The following ADGRL3 variants were observed in gnomAD, a reference collection of about 807,000 sequenced individuals.
The protein encoded by ADGRL3 is adhesion G protein-coupled receptor L3.
Under a neutral mutation model 153.5 loss-of-function variants are expected in ADGRL3, and 62 were observed. That is an observed-to-expected ratio of 0.40 (90% CI 0.33 to 0.50). The LOEUF (loss-of-function observed/expected upper bound fraction) is 0.50. Among genes scored for constraint, ADGRL3 ranks in the 20% least tolerant of loss-of-function variants. The pLI, the probability that ADGRL3 is intolerant of heterozygous loss-of-function variation, is 0.47. For synonymous variants in ADGRL3, 710 were observed against 672.5 expected, an observed-to-expected ratio of 1.06 and a Z score of -0.86; for missense variants, 1,641 against 1,859.4, an observed-to-expected ratio of 0.88 and a Z score of 2.16.
chr4:61,632,746 A>C (rs1045741353), intron 5 of ADGRL3, among the ~76,000 whole-genome samples: 2 of 152,206 alleles, frequency 1.3e-5, no homozygotes, highest in African/African-American at 4.8e-5. Context: ...GTATAAATAC[A>C]TATTACCAGT....
At chr4:61,884,503 G>C (rs1454964719) in intron 9 of ADGRL3, among the ~76,000 whole-genome samples, 1 of 152,068 alleles carries the variant, frequency 6.6e-6, no homozygotes, top group East Asian at 1.9e-4. Flanking sequence ...TTTTTCCTTA[G>C]GTGGTCCTGA....
intron 6 of ADGRL3, among the ~76,000 whole-genome samples, chr4:61,713,731 T>C (rs1032446844): frequency 1.3e-5 from 2 of 152,184 alleles, no homozygotes; most frequent in African/African-American, 4.8e-5. Context: ...CAATGGTTTT[T>C]ATGTAGAAAG....
chr4:61,921,138 TA>T (rs956172937), intron 13 of ADGRL3, among the ~76,000 whole-genome samples: 2 of 151,900 alleles, frequency 1.3e-5, no homozygotes, highest in African/African-American at 4.8e-5. Flanking sequence ...TCATTTTGTC[TA>T]AAAAAAACTT....
chr4:61,930,098 C>T lies in ADGRL3; in HGVS notation c.2113-4742C>T, dbSNP rs143632364. Among the ~76,000 whole-genome samples, 995 of 151,516 alleles carry T rather than the reference C, an allele frequency of 6.6e-3. 16 individuals are homozygous for T. Among genetic ancestry groups the T allele is most frequent in the African/African-American group, 0.023 (929 of 41,232 alleles). ...GGTTGAGGCAGGAGAATGGCATGAA[C>T]CTGGGAGGTGGAGCTTGCAGTGAGC... On this transcript the variant is annotated intron_variant, in intron 13 of 26. Coordinates refer to ENST00000683033, the MANE Select transcript of ADGRL3 (RefSeq NM_001387552.1).
intron 20 of ADGRL3, among the ~76,000 whole-genome samples, 179 bp downstream of exon 20, chr4:61,996,536 T>A (rs1440990451): frequency 6.6e-6 from 1 of 152,186 alleles, no homozygotes; most frequent in African/African-American, 2.4e-5. Flanking sequence ...GTAAAATGGT[T>A]AATCAAAACA....
chr4:61,524,854 A>G (rs2152931370), intron 4 of ADGRL3, among the ~76,000 whole-genome samples: 1 of 152,234 alleles, frequency 6.6e-6, no homozygotes, highest in East Asian at 1.9e-4. Context: ...ATATAGCTGT[A>G]TGGATTGGGG....
At chr4:61,379,080 A>G (rs1327961991) in intron 1 of ADGRL3, among the ~76,000 whole-genome samples, 1 of 152,024 alleles carries the variant, frequency 6.6e-6, no homozygotes, top group Non-Finnish European at 1.5e-5. Flanking sequence ...AGATGAAAAA[A>G]CAATCTGAAC....
At chr4:62,054,739 G>C (rs1736089685) in intron 25 of ADGRL3, among the ~76,000 whole-genome samples, 2 of 151,684 alleles carry the variant, frequency 1.3e-5, no homozygotes, top group South Asian at 2.1e-4. Flanking sequence ...CAAAATGCTA[G>C]TGCCCATGTT....
intron 2 of ADGRL3, among the ~76,000 whole-genome samples, chr4:61,392,114 C>A (rs1258426872): frequency 6.6e-6 from 1 of 151,126 alleles, no homozygotes; most frequent in Non-Finnish European, 1.5e-5. Context: ...CATGATCCAC[C>A]CGCCTGGGCC....
intron 9 of ADGRL3, among the ~76,000 whole-genome samples, chr4:61,836,458 G>C (rs1320533551): frequency 1.3e-5 from 2 of 152,006 alleles, no homozygotes; most frequent in Non-Finnish European, 2.9e-5. Context: ...GTGATTTAGA[G>C]TAGATAATGT....
intron 13 of ADGRL3, among the ~76,000 whole-genome samples, chr4:61,915,010 C>T (rs1056557796): frequency 6.6e-6 from 1 of 151,892 alleles, no homozygotes; most frequent in South Asian, 2.1e-4. Context: ...TATTCTTGCG[C>T]ATTTCATTCT....
intron 12 of ADGRL3, 112 bp downstream of exon 12, chr4:61,909,857 A>G (rs1008988688): frequency 5.6e-6 from 4 of 712,230 alleles, no homozygotes; most frequent in African/African-American, 3.6e-5. Flanking sequence ...TCCTCCTTCT[A>G]CAGAATATGA....
At chr4:61,867,663 A>G (rs1482289564) in intron 9 of ADGRL3, among the ~76,000 whole-genome samples, 1 of 151,206 alleles carries the variant, frequency 6.6e-6, no homozygotes, top group Non-Finnish European at 1.5e-5. Context: ...GTGACACAAG[A>G]GCCTTCAGAA....
intron 17 of ADGRL3, among the ~76,000 whole-genome samples, chr4:61,950,841 C>T (rs1280050982): frequency 1.3e-5 from 2 of 152,174 alleles, no homozygotes; most frequent in African/African-American, 4.8e-5. Flanking sequence ...CAGATTACAA[C>T]AGGCAGTTTC....
intron 8 of ADGRL3, among the ~76,000 whole-genome samples, chr4:61,769,158 CAG>C (rs1399810259): frequency 6.6e-6 from 1 of 152,086 alleles, no homozygotes; most frequent in Non-Finnish European, 1.5e-5. Flanking sequence ...AGTGTATAAT[CAG>C]AGAGGCGTCC....
At chr4:61,512,429 C>T (rs996995732) in intron 3 of ADGRL3, among the ~76,000 whole-genome samples, 44 of 152,074 alleles carry the variant, frequency 2.9e-4, no homozygotes, top group African/African-American at 9.6e-4. Flanking sequence ...GTGGAGGCTT[C>T]GTCCATAGGC....
At chr4:61,596,026 C>T (rs558913174) in intron 5 of ADGRL3, among the ~76,000 whole-genome samples, 27 of 152,228 alleles carry the variant, frequency 1.8e-4, no homozygotes, top group African/African-American at 5.5e-4. Context: ...TGACCACAGC[C>T]GGGGAATGGG....
In ADGRL3 at chr4:61,626,619, T is replaced by C. The variant is rs185483053; in HGVS notation, c.473+39179T>C. On this transcript the variant is annotated intron_variant, in intron 5 of 26. Transcript: ENST00000683033. Reference sequence around the variant, plus strand: ...TTTATATAAATCCCTTATTTTATAATTGTATTTTCTATTATAACTTTATGA... The same window carrying C: ...TTTATATAAATCCCTTATTTTATAACTGTATTTTCTATTATAACTTTATGA... Among the ~76,000 whole-genome samples the C allele has an allele frequency of 1.8e-3, 270 of 152,198 alleles. 2 individuals carry two copies. The highest frequency in any genetic ancestry group is 6.1e-3 in the African/African-American group (253 of 41,568).
intron 8 of ADGRL3, among the ~76,000 whole-genome samples, chr4:61,743,880 C>A (rs1376895441): frequency 6.6e-6 from 1 of 152,188 alleles, no homozygotes; most frequent in Non-Finnish European, 1.5e-5. Flanking sequence ...GGGTGCAGCA[C>A]ACCGTGTGCG....
Sources: allele counts gnomAD v4.1 joint callset (sites outside exome capture counted in the v4.1 genomes callset), GRCh38; gene constraint gnomAD v4.1.1; transcripts MANE v1.5; gene names NCBI Gene and HGNC (gene_info 2026-07-23, HGNC 2026-07-21).